Variants in ABCB4 observed in about 807,000 individuals in gnomAD.
The protein encoded by ABCB4 is phosphatidylcholine translocator ABCB4.
In ABCB4, 76 loss-of-function variants were observed where a neutral mutation model predicts 145.7. The observed-to-expected ratio is 0.52, with a 90% CI of 0.43 to 0.63. The LOEUF (loss-of-function observed/expected upper bound fraction) is 0.63. ABCB4 is among the 30% of genes least tolerant of loss of function. ABCB4 has a pLI of 0.00. For missense variants in ABCB4, 1,234 were observed against 1,553.1 expected (o/e 0.79, Z 3.45); for synonymous variants, 517 against 566.8 (o/e 0.91, Z 1.25).
chr7:87,475,428 C>T lies in ABCB4; in HGVS notation c.38G>A (p.Arg13His), dbSNP rs1037607543. The T allele has an allele frequency of 1.4e-5, 22 of 1,614,222 alleles. No individual in the cohort carries two copies. The highest frequency in any genetic ancestry group is 1.7e-5 in the Non-Finnish European group (20 of 1,180,042). The stretch of plus-strand genomic sequence containing the variant: ...AAAGTCGCCCTCCGCGCTCGTGGGG[C>T]GCCAGGCTGTTCCGTTCTTTGCCGC... ...LEAAKNGTAW[R>H]PTSAEGDFEL... The change falls in exon 2 of 28, where the codon CGC becomes CAC. Residue 13 changes from arginine (R) to histidine (H), a missense_variant. Around this residue, in one of 7 missense-constraint regions of ABCB4, gnomAD observed 77 missense variants for 73.3 expected, o/e 1.05. Transcript: ENST00000649586.
Position 87,413,598 on chromosome 7 carries a change from G to T in ABCB4, c.2783+19C>A. ...TAGGAAAGCACTAGGTTCTTAGCAGGAATCATATGGTTCATTACCTGTAAG... is the reference window on the plus strand; with the variant it reads ...TAGGAAAGCACTAGGTTCTTAGCAGTAATCATATGGTTCATTACCTGTAAG... On this transcript the variant is annotated intron_variant, in intron 22 of 27. Coordinates refer to ENST00000649586, the MANE Select transcript of ABCB4 (RefSeq NM_000443.4). 2.1e-6 allele frequency: 3 copies of T among 1,452,048 alleles called. No homozygotes were observed. The highest frequency in any genetic ancestry group is 1.1e-5 in the South Asian group (1 of 87,750). The allele number at this position is 1,452,048 out of a possible 1,614,324, so 89.9% of individuals were successfully genotyped here.
intron 21 of ABCB4, 36 bp downstream of exon 21, chr7:87,417,276 A>G: frequency 4.4e-6 from 7 of 1,596,592 alleles, no homozygotes; most frequent in Non-Finnish European, 6.0e-6. Context: ...GTCTAAAAAC[A>G]ACACTTAACA....
chr7:87,416,848 T>C (rs1331698679), intron 21 of ABCB4, among the ~76,000 whole-genome samples: 1 of 152,264 alleles, frequency 6.6e-6, no homozygotes, highest in Non-Finnish European at 1.5e-5. Flanking sequence ...ATTGCCATTA[T>C]AGTGAGAACC....
At chr7:87,429,920 A>T (rs970812225) in intron 15 of ABCB4, among the ~76,000 whole-genome samples, 7 of 151,830 alleles carry the variant, frequency 4.6e-5, no homozygotes, top group African/African-American at 1.4e-4. Flanking sequence ...TTTTTAAAAA[A>T]AAAAAAAGAA....
At chr7:87,413,125 T>G (rs1297666984) in intron 22 of ABCB4, among the ~76,000 whole-genome samples, 1 of 152,234 alleles carries the variant, frequency 6.6e-6, no homozygotes, top group Non-Finnish European at 1.5e-5. Flanking sequence ...AGGAGTTTCT[T>G]GAATTGCTCA....
Position 87,449,967 on chromosome 7 carries a change from C to A in ABCB4, c.833+1G>T. On this transcript the variant is annotated splice_donor_variant, in intron 8 of 27. Transcript: ENST00000649586. LOFTEE classifies it high-confidence loss of function. The stretch of plus-strand genomic sequence containing the variant: ...ACCAGTGGCTAAAGAACCTTCCTGA[C>A]CTTTCCAGCTCTTTGTTCTGGCCCC... 1 of 1,614,114 alleles carries A rather than the reference C, an allele frequency of 6.2e-7. No homozygotes were observed. Among genetic ancestry groups the A allele is most frequent in the Non-Finnish European group, 8.5e-7 (1 of 1,179,986 alleles).
rs1284572827 is a variant in ABCB4, at chr7:87,407,892, T to C, written c.3279+145A>G. On this transcript the variant is annotated intron_variant, in intron 25 of 27. Coordinates refer to ENST00000649586, the MANE Select transcript of ABCB4 (RefSeq NM_000443.4). ...ATTGTCCCCATATATTTCCCAGATATGGTGCCAGTTGGGGTTTATAGAATG... is the reference window on the plus strand; with the variant it reads ...ATTGTCCCCATATATTTCCCAGATACGGTGCCAGTTGGGGTTTATAGAATG... 4 of 954,290 alleles carry C rather than the reference T, an allele frequency of 4.2e-6. No individual in the cohort carries two copies. In the Admixed American group the frequency reaches 6.1e-5, roughly 14 times the overall value. 59.1% of individuals were successfully genotyped at this position (954,290 alleles called of 1,614,324 possible).
At chr7:87,403,395 A>C (rs563179849) in intron 26 of ABCB4, 114 bp from the exon 27 acceptor site, 21 of 999,198 alleles carry the variant, frequency 2.1e-5, no homozygotes, top group Non-Finnish European at 3.3e-5. Context: ...CGTTGTTTCA[A>C]CTTAACAGAG....
chr7:87,456,382 AG>A (rs1247059006), intron 4 of ABCB4, among the ~76,000 whole-genome samples: 5 of 152,314 alleles, frequency 3.3e-5, no homozygotes, highest in Admixed American at 3.3e-4. Context: ...TCAAGGGGAC[AG>A]ATCCCACATG....
chr7:87,371,242 T>C, the ABCB4 span, among the ~76,000 whole-genome samples: 2 of 152,202 alleles, frequency 1.3e-5, no homozygotes, highest in African/African-American at 4.8e-5. Flanking sequence ...CTAGAGTTAA[T>C]TGATTTTTTT....
chr7:87,416,968 T>G (rs1228139162), intron 21 of ABCB4, among the ~76,000 whole-genome samples: 1 of 152,220 alleles, frequency 6.6e-6, no homozygotes, highest in Admixed American at 6.5e-5. Context: ...CCCTGAACAA[T>G]TCACTTACAG....
intron 3 of ABCB4, among the ~76,000 whole-genome samples, chr7:87,463,693 G>C (rs1011284758): frequency 5.9e-5 from 9 of 152,152 alleles, no homozygotes; most frequent in Non-Finnish European, 1.0e-4. Context: ...CAAAGTGTGG[G>C]AGAGGATGTT....
intron 14 of ABCB4, among the ~76,000 whole-genome samples, chr7:87,437,926 A>G (rs1810718042): frequency 6.6e-6 from 1 of 152,238 alleles, no homozygotes; most frequent in South Asian, 2.1e-4. Context: ...GATCCTATAG[A>G]ACACGAAGAA....
chr7:87,405,660 C>T (rs1215168661), intron 26 of ABCB4, among the ~76,000 whole-genome samples: 2 of 152,030 alleles, frequency 1.3e-5, no homozygotes, highest in East Asian at 1.9e-4. Context: ...CTCCTGACCT[C>T]GTAATCCACC....
chr7:87,409,508 C>CTT, intron 23 of ABCB4, 116 bp from the exon 24 acceptor site: 1 of 1,016,382 alleles, frequency 9.8e-7, no homozygotes, highest in South Asian at 1.3e-5. Flanking sequence ...TAATCATCCC[C>CTT]TTTCTCCCCG....
chr7:87,367,585 G>A, the ABCB4 span, among the ~76,000 whole-genome samples: 1 of 152,102 alleles, frequency 6.6e-6, no homozygotes, highest in African/African-American at 2.4e-5. Context: ...ATATGTTACT[G>A]CAAATTCATA....
In ABCB4 at chr7:87,431,546, G is replaced by C; in HGVS notation, c.1751C>G (p.Thr584Ser). The C allele has an allele frequency of 1.2e-6, 2 of 1,614,070 alleles. No individual in the cohort carries two copies. The highest frequency in any genetic ancestry group is 2.2e-5 in the South Asian group (2 of 91,072). The change falls in exon 15 of 28, where the codon ACC becomes AGC. Residue 584 changes from threonine (T) to serine (S), a missense_variant. This residue lies in a region of ABCB4 where 467 missense variants were observed against 632.8 expected (regional missense o/e 0.74). Transcript: ENST00000649586. ...AGACAGTCGGTGTGCTATCACAATG[G>C]TGGTCCGGCCTTCTCTGGCCTAAAA... The part of the protein sequence containing the change: ...ALDKAREGRT[T>S]IVIAHRLSTV...
chr7:87,369,280 C>T, the ABCB4 span: 1 of 705,466 alleles, frequency 1.4e-6, no homozygotes. Flanking sequence ...AAATAAAATA[C>T]TGGAAGAATG....
chr7:87,379,026 T>A, the ABCB4 span, among the ~76,000 whole-genome samples: 2 of 152,198 alleles, frequency 1.3e-5, no homozygotes, highest in Non-Finnish European at 2.9e-5. Context: ...GTTAATTGCC[T>A]CAGTTTTCTT....
Sources: allele counts gnomAD v4.1 joint callset (sites outside exome capture counted in the v4.1 genomes callset), GRCh38; gene constraint gnomAD v4.1.1; regional missense constraint gnomAD v4.1.1; transcripts MANE v1.5; gene names NCBI Gene and HGNC (gene_info 2026-07-23, HGNC 2026-07-21).